Variants in RPS6KA6 observed in about 807,000 individuals in gnomAD.
RPS6KA6 encodes ribosomal protein S6 kinase A6.
A neutral mutation model predicts 65.4 loss-of-function variants in RPS6KA6; 27 were observed. That is an observed-to-expected ratio of 0.41 (90% CI 0.30 to 0.57). The LOEUF is 0.57. RPS6KA6 is among the 20% of genes least tolerant of loss of function. The probability of loss-of-function intolerance (pLI) is 0.24; values close to 1 mark genes in which losing one functional copy is unlikely to be tolerated. For missense variants in RPS6KA6, 486 were observed against 555.6 expected, an observed-to-expected ratio of 0.87 and a Z score of 1.26; for synonymous variants, 190 against 184.2, an observed-to-expected ratio of 1.03 and a Z score of -0.26.
intron 3 of RPS6KA6, among the ~76,000 whole-genome samples, chrX:84,149,649 G>T (rs963796578): frequency 9.0e-6 from 1 of 111,050 alleles, no homozygotes; most frequent in Non-Finnish European, 1.9e-5. Flanking sequence ...TCCCTGAACA[G>T]TAGGTCTCAA....
intron 3 of RPS6KA6, among the ~76,000 whole-genome samples, chrX:84,151,112 T>G (rs1319359667): frequency 2.0e-5 from 2 of 98,976 alleles, no homozygotes; most frequent in African/African-American, 7.3e-5. Context: ...TATATATAGA[T>G]ATATATAGGA....
At chrX:84,094,510 T>C (rs971398705) in intron 20 of RPS6KA6, among the ~76,000 whole-genome samples, 3 of 108,402 alleles carry the variant, frequency 2.8e-5, no homozygotes, top group Admixed American at 2.0e-4. Flanking sequence ...CCAGGCGTGG[T>C]GGCGGGCACC....
At chrX:84,167,404 T>C (rs1024699518) in intron 1 of RPS6KA6, among the ~76,000 whole-genome samples, 2 of 111,958 alleles carry the variant, frequency 1.8e-5, no homozygotes, top group African/African-American at 6.5e-5. Context: ...CGATGAATCT[T>C]AAAAGCGTTT....
intron 6 of RPS6KA6, among the ~76,000 whole-genome samples, chrX:84,138,662 A>G (rs2035039673): frequency 8.9e-6 from 1 of 112,638 alleles, no homozygotes; most frequent in South Asian, 3.6e-4. Flanking sequence ...TTGTGGCTTT[A>G]TTTGGAATTT....
chrX:84,154,655 T>A (rs2035384168), intron 3 of RPS6KA6, among the ~76,000 whole-genome samples: 2 of 109,947 alleles, frequency 1.8e-5, no homozygotes, highest in Non-Finnish European at 3.8e-5. Context: ...CCCACCAACT[T>A]CATCACCACC....
At chrX:84,126,763 A>G (rs2034796730) in intron 8 of RPS6KA6, among the ~76,000 whole-genome samples, 2 of 111,782 alleles carry the variant, frequency 1.8e-5, no homozygotes, top group African/African-American at 6.5e-5. Flanking sequence ...TCAATAAAAA[A>G]ATTAAGAAAG....
intron 20 of RPS6KA6, among the ~76,000 whole-genome samples, chrX:84,088,675 C>A (rs1202418501): frequency 3.6e-5 from 4 of 112,037 alleles, no homozygotes; most frequent in Non-Finnish European, 5.6e-5. Context: ...ATTGGGGGAA[C>A]CCTTCCTTGT....
intron 3 of RPS6KA6, among the ~76,000 whole-genome samples, chrX:84,153,914 T>A (rs1490143918): frequency 8.9e-6 from 1 of 111,892 alleles, no homozygotes; most frequent in Admixed American, 9.6e-5. Context: ...GATATTCTTC[T>A]TAAAACTAAA....
At chrX:84,098,045 G>T (rs1272636066) in intron 18 of RPS6KA6, among the ~76,000 whole-genome samples, 197 bp from the exon 19 acceptor site, 1 of 111,000 alleles carries the variant, frequency 9.0e-6, no homozygotes, top group East Asian at 2.8e-4. Flanking sequence ...CAGATATAGA[G>T]AAATCTAAAC....
At chrX:84,174,103 T>G (rs2035727221) in intron 1 of RPS6KA6, among the ~76,000 whole-genome samples, 1 of 112,153 alleles carries the variant, frequency 8.9e-6, no homozygotes, top group Non-Finnish European at 1.9e-5. Flanking sequence ...TTTTTTGGAT[T>G]CACCAGGCAA....
chrX:84,112,152 C>A (rs1437337043), intron 12 of RPS6KA6, among the ~76,000 whole-genome samples: 2 of 111,391 alleles, frequency 1.8e-5, no homozygotes, highest in Non-Finnish European at 3.8e-5. Flanking sequence ...AATATATATT[C>A]ATCCAACACC....
At chrX:84,136,195 C>T (rs1335602081) in intron 6 of RPS6KA6, among the ~76,000 whole-genome samples, 1 of 111,432 alleles carries the variant, frequency 9.0e-6, no homozygotes, top group East Asian at 2.8e-4. Flanking sequence ...TTAGCAAGAA[C>T]TCCGGATTGG....
At chrX:84,151,148 G>A (rs1444064428) in intron 3 of RPS6KA6, among the ~76,000 whole-genome samples, 1 of 96,787 alleles carries the variant, frequency 1.0e-5, no homozygotes, top group Non-Finnish European at 2.0e-5. Flanking sequence ...AGGATATATA[G>A]ATATATATAG....
chrX:84,105,852 G>T lies in RPS6KA6; in HGVS notation c.1390C>A (p.Pro464Thr). Residue 464 changes from proline (P) to threonine (T), a missense_variant, in exon 16 of 22, where the codon CCT (proline) becomes ACT (threonine). Coordinates refer to ENST00000262752, the MANE Select transcript of RPS6KA6 (RefSeq NM_014496.5). ...ATCAATATTTCAATCTCTTCTGAAGGGTCTCGCTTACTTTTGTCAATGATC... is the reference window on the plus strand; with the variant it reads ...ATCAATATTTCAATCTCTTCTGAAGTGTCTCGCTTACTTTTGTCAATGATC... ...VKIIDKSKRD[P>T]SEEIEILMRY... 1.7e-6 allele frequency: 2 copies of T among 1,157,378 alleles called. No homozygotes were observed. The highest frequency in any genetic ancestry group is 2.3e-6 in the Non-Finnish European group (2 of 855,688).
chrX:84,123,952 T>C (rs768737641), intron 8 of RPS6KA6, among the ~76,000 whole-genome samples: 22 of 111,253 alleles, frequency 2.0e-4, no homozygotes, highest in Non-Finnish European at 3.8e-4. Flanking sequence ...ATAGGGGTGA[T>C]TGCATAACCA....
chrX:84,102,044 G>A lies in RPS6KA6; in HGVS notation c.1769C>T (p.Ala590Val). 1 of 1,176,764 alleles carries A rather than the reference G, an allele frequency of 8.5e-7. No homozygotes were observed. Among genetic ancestry groups the A allele is most frequent in the Non-Finnish European group, 1.1e-6 (1 of 879,110 alleles). The stretch of plus-strand genomic sequence containing the variant: ...GAAGTTTTTAAGGAATACCTCAGGT[G>A]CAACAAAGTTTGCAGTGTAGCATGG... ...LTPCYTANFV[A>V]PEVLMQQGYD... Residue 590 changes from alanine (A) to valine (V), a missense_variant, in exon 18 of 22, where the codon GCA becomes GTA. Coordinates refer to ENST00000262752, the MANE Select transcript of RPS6KA6 (RefSeq NM_014496.5).
rs972536080 is a variant in RPS6KA6, at chrX:84,059,955, A to T, written c.*4322T>A. 8.9e-6 allele frequency: 1 copy of T among 112,206 alleles called. No homozygotes were observed. Among genetic ancestry groups the T allele is most frequent in the African/African-American group, 3.2e-5 (1 of 30,923 alleles). The allele number at this position is 112,206 out of a possible 1,213,427, so 9.2% of individuals were successfully genotyped here. A position where few individuals can be genotyped will look rare whatever the true frequency, so the allele number is the denominator to read the frequency against. On this transcript the variant is annotated 3_prime_UTR_variant, in exon 22 of 22. Coordinates refer to ENST00000262752, the MANE Select transcript of RPS6KA6 (RefSeq NM_014496.5). ...TTTTCTAAATATTTCAAAGAAACTTATGTCTATAATTTAATATATTCAAGT... is the reference window on the plus strand; with the variant it reads ...TTTTCTAAATATTTCAAAGAAACTTTTGTCTATAATTTAATATATTCAAGT...
chrX:84,182,853 A>T (rs959294776), intron 1 of RPS6KA6, among the ~76,000 whole-genome samples: 4 of 112,258 alleles, frequency 3.6e-5, no homozygotes, highest in Non-Finnish European at 7.5e-5. Context: ...CACATTCCAG[A>T]AATAAGTACT....
chrX:84,066,022 G>C (rs973505351), intron 20 of RPS6KA6, among the ~76,000 whole-genome samples: 4 of 110,824 alleles, frequency 3.6e-5, no homozygotes, highest in African/African-American at 1.3e-4. Context: ...GGAGCCAGGG[G>C]ACCTCTCTCC....
Sources: gnomAD v4.1 joint callset for allele counts (sites outside exome capture counted in the v4.1 genomes callset) on GRCh38, gnomAD v4.1.1 for gene constraint, MANE v1.5 for transcripts, NCBI Gene and HGNC (gene_info 2026-07-23, HGNC 2026-07-21) for gene names.